PITPNC1: variants seen among roughly 807,000 people sequenced by gnomAD.
The protein encoded by PITPNC1 is cytoplasmic phosphatidylinositol transfer protein 1.
PITPNC1 carries 18 observed loss-of-function variants against 44.7 expected under a neutral mutation model. The ratio of observed to expected loss-of-function variants is 0.40; its 90% CI spans 0.28 to 0.60. The LOEUF is 0.60. Ranked by LOEUF, PITPNC1 falls within the 20% of genes least tolerant of loss-of-function variation. The pLI, the probability that PITPNC1 is intolerant of heterozygous loss-of-function variation, is 0.39. For missense variants in PITPNC1, 290 were observed against 418.4 expected (o/e 0.69, Z 2.68); for synonymous variants, 141 against 149.6 (o/e 0.94, Z 0.42).
intron 1 of PITPNC1, among the ~76,000 whole-genome samples, chr17:67,460,749 T>C (rs1268270286): frequency 1.1e-5 from 1 of 93,834 alleles, no homozygotes; most frequent in Non-Finnish European, 2.4e-5. Flanking sequence ...TCTTTTTTTT[T>C]TTTTTTTTTT....
At chr17:67,589,994 C>T (rs1200957821) in intron 5 of PITPNC1, among the ~76,000 whole-genome samples, 1 of 150,572 alleles carries the variant, frequency 6.6e-6, no homozygotes, top group African/African-American at 2.4e-5. Context: ...AAAGGAAGAA[C>T]AGGAAAAAAA....
At chr17:67,632,269 A>T in intron 6 of PITPNC1, 31 bp downstream of exon 6, 1 of 1,186,034 alleles carries the variant, frequency 8.4e-7, no homozygotes, top group Non-Finnish European at 1.3e-6. Context: ...GATGTGGAAG[A>T]TTCATTCATT....
chr17:67,591,972 C>G (rs866173890), intron 5 of PITPNC1, among the ~76,000 whole-genome samples: 1 of 151,904 alleles, frequency 6.6e-6, no homozygotes, highest in Middle Eastern at 3.4e-3. Flanking sequence ...CCCAGCCTCC[C>G]AAAGTGCTGG....
Position 67,692,686 on chromosome 17 carries a change from CT to C in PITPNC1, c.799del (p.Ser267ProfsTer49). On this transcript the variant is annotated frameshift_variant, in exon 9 of 9. Coordinates refer to ENST00000581322, the MANE Select transcript of PITPNC1 (RefSeq NM_012417.4). LOFTEE classifies it high-confidence loss of function. ...ATCTCCAGCATCCCCCTGCTGCCTT[CT>C]TCCGTCCGCAGTGCGCCTTCTAGTG... is the stretch of plus-strand genomic sequence containing the variant. Reference protein sequence around the residue: ...ISISSIPLLPSSVRSAPSSAP... With the variant: ...ISISSIPLLPXSVRSAPSSAP... 3.1e-6 allele frequency: 5 copies of C among 1,613,846 alleles called. No homozygotes were observed. Among genetic ancestry groups the C allele is most frequent in the Non-Finnish European group, 4.2e-6 (5 of 1,179,770 alleles).
chr17:67,393,278 C>T (rs1246761587), intron 1 of PITPNC1, among the ~76,000 whole-genome samples: 4 of 152,124 alleles, frequency 2.6e-5, no homozygotes, highest in Non-Finnish European at 5.9e-5. Flanking sequence ...GAACAGTTTT[C>T]ATCTTGCAGA....
At chr17:67,618,003 A>G (rs1030340221) in intron 5 of PITPNC1, among the ~76,000 whole-genome samples, 1 of 152,114 alleles carries the variant, frequency 6.6e-6, no homozygotes. Flanking sequence ...GCCTCTGCCT[A>G]TAGAGGAGAA....
chr17:67,507,673 G>A (rs2040123777), intron 1 of PITPNC1, among the ~76,000 whole-genome samples: 1 of 103,478 alleles, frequency 9.7e-6, no homozygotes, highest in Non-Finnish European at 1.8e-5. Flanking sequence ...GACAGGGCAA[G>A]ACTTGGTCTC....
intron 2 of PITPNC1, among the ~76,000 whole-genome samples, chr17:67,546,137 A>G (rs2040678291): frequency 1.3e-5 from 2 of 151,780 alleles, no homozygotes; most frequent in Admixed American, 1.3e-4. Flanking sequence ...AGGTCATGCC[A>G]CTGCACTCCA....
At chr17:67,667,043 C>A (rs147824170) in intron 6 of PITPNC1, among the ~76,000 whole-genome samples, 1 of 152,222 alleles carries the variant, frequency 6.6e-6, no homozygotes, top group East Asian at 1.9e-4. Flanking sequence ...CTTCTCAACA[C>A]AGGACCCCTT....
intron 1 of PITPNC1, among the ~76,000 whole-genome samples, chr17:67,393,499 T>G (rs2038169459): frequency 6.6e-6 from 1 of 152,140 alleles, no homozygotes; most frequent in Non-Finnish European, 1.5e-5. Context: ...CTCATAAGAA[T>G]TTTTTTCTGA....
At chr17:67,514,118 CTG>C (rs2040227485) in intron 1 of PITPNC1, among the ~76,000 whole-genome samples, 1 of 152,054 alleles carries the variant, frequency 6.6e-6, no homozygotes, top group Non-Finnish European at 1.5e-5. Flanking sequence ...GAGGGAGAGA[CTG>C]TGTGGGGAGG....
intron 1 of PITPNC1, among the ~76,000 whole-genome samples, chr17:67,394,079 C>A (rs2038178040): frequency 6.6e-6 from 1 of 152,134 alleles, no homozygotes; most frequent in African/African-American, 2.4e-5. Context: ...ACCTCATGAT[C>A]CACCCATCTC....
At position 67,436,476 on chromosome 17, in the gene PITPNC1, G is replaced by A. The variant is rs759149994; in HGVS notation, c.48+58274G>A. Among the ~76,000 whole-genome samples the A allele has an allele frequency of 1.8e-4, 27 of 152,110 alleles. 1 individual carries two copies. Among genetic ancestry groups the A allele is most frequent in the African/African-American group, 6.0e-4 (25 of 41,416 alleles). On this transcript the variant is annotated intron_variant, in intron 1 of 8. Coordinates refer to ENST00000581322, the MANE Select transcript of PITPNC1 (RefSeq NM_012417.4). ...AGGAGAGGAATAAAGGTGAGGGTGA[G>A]GGAGGCAAGAGGTAAGCAGAAGGTA...
rs564885970 is a variant in PITPNC1 at position 67,654,464 on chromosome 17, C to T, written c.463-15044C>T. On this transcript the variant is annotated intron_variant, in intron 6 of 8. Coordinates refer to ENST00000581322, the MANE Select transcript of PITPNC1 (RefSeq NM_012417.4). ...TTCCCACTGCCTTTCTTTGGAGGAG[C>T]TTAATAAGATTTGAACAAAGTGCAC... 2.6e-5 allele frequency among the ~76,000 whole-genome samples: 4 copies of T among 152,276 alleles called. No individual in the cohort carries two copies. The South Asian group carries it at 8.3e-4, about 32-fold the overall frequency.
intron 8 of PITPNC1, chr17:67,687,272 C>A: frequency 1.4e-6 from 1 of 733,190 alleles, no homozygotes; most frequent in Non-Finnish European, 2.4e-6. Context: ...GCCCGGTTCG[C>A]AACCTTCCAT....
chr17:67,519,177 T>G (rs1248534814), intron 1 of PITPNC1, among the ~76,000 whole-genome samples: 1 of 144,084 alleles, frequency 6.9e-6, no homozygotes, highest in Non-Finnish European at 1.5e-5. Flanking sequence ...TTCTGTTTTT[T>G]TTTTTTTTTT....
intron 4 of PITPNC1, among the ~76,000 whole-genome samples, chr17:67,554,421 C>G (rs1395321658): frequency 1.3e-5 from 2 of 152,002 alleles, no homozygotes; most frequent in African/African-American, 4.8e-5. Context: ...CCACGCCCGG[C>G]TAATTTTTTT....
chr17:67,432,295 C>G (rs556881370), intron 1 of PITPNC1, among the ~76,000 whole-genome samples: 194 of 152,252 alleles, frequency 1.3e-3, no homozygotes, highest in Non-Finnish European at 2.4e-3. Flanking sequence ...GGAGACCATC[C>G]TGGCTAACAC....
At chr17:67,408,557 T>TG (rs2038434390) in intron 1 of PITPNC1, among the ~76,000 whole-genome samples, 2 of 152,066 alleles carry the variant, frequency 1.3e-5, no homozygotes, top group African/African-American at 4.8e-5. Context: ...AGTTTTTTGA[T>TG]GAAGTTCAGT....
Sources: allele counts gnomAD v4.1 joint callset (sites outside exome capture counted in the v4.1 genomes callset), GRCh38; gene constraint gnomAD v4.1.1; transcripts MANE v1.5; gene names NCBI Gene and HGNC (gene_info 2026-07-23, HGNC 2026-07-21).